RGS6: variants seen among roughly 807,000 people sequenced by gnomAD.
RGS6 encodes the protein regulator of G-protein signaling 6.
Under a neutral mutation model 78.5 loss-of-function variants are expected in RGS6, and 30 were observed. The ratio of observed to expected loss-of-function variants is 0.38; its 90% CI spans 0.29 to 0.52. RGS6 has a LOEUF of 0.52. Among genes scored for constraint, RGS6 ranks in the 20% least tolerant of loss-of-function variants. The probability of loss-of-function intolerance (pLI) is 0.85; values close to 1 mark genes in which losing one functional copy is unlikely to be tolerated. For missense variants in RGS6, 495 were observed against 609.7 expected (o/e 0.81, Z 1.98); for synonymous variants, 206 against 206.0 (o/e 1.00, Z 0.00).
chr14:72,070,581 T>C (rs2094372518), intron 2 of RGS6, among the ~76,000 whole-genome samples: 1 of 152,216 alleles, frequency 6.6e-6, no homozygotes, highest in Non-Finnish European at 1.5e-5. Context: ...AGCCATCCTA[T>C]CTTTGGCAGG....
chr14:72,066,520 G>C (rs200700597), intron 2 of RGS6, among the ~76,000 whole-genome samples: 1 of 87,134 alleles, frequency 1.1e-5, no homozygotes, highest in Non-Finnish European at 2.4e-5. Context: ...TTTTTTTTTG[G>C]TGCTTTTAAG....
At chr14:72,614,870 T>G in the RGS6 span, among the ~76,000 whole-genome samples, 1 of 148,784 alleles carries the variant, frequency 6.7e-6, no homozygotes, top group Non-Finnish European at 1.5e-5. Flanking sequence ...CATCCAGCTC[T>G]CTGCCTTTTT....
Position 72,562,747 on chromosome 14 carries a change from C to G in RGS6, c.*280C>G, listed in dbSNP as rs958203002. Reference sequence around the variant, plus strand: ...CCAACACTCCACTCGCTAAGAGGCCCTGATCCCAGCTCATTCAGGGGAGAA... The same window carrying G: ...CCAACACTCCACTCGCTAAGAGGCCGTGATCCCAGCTCATTCAGGGGAGAA... On this transcript the variant is annotated 3_prime_UTR_variant, in exon 18 of 18. Transcript: ENST00000553525. The G allele has an allele frequency of 1.3e-6, 2 of 1,535,896 alleles. No homozygotes were observed. Among genetic ancestry groups the G allele is most frequent in the Non-Finnish European group, 1.7e-6 (2 of 1,146,778 alleles).
chr14:72,040,028 AC>A (rs1460694409), intron 2 of RGS6, among the ~76,000 whole-genome samples: 1 of 151,464 alleles, frequency 6.6e-6, no homozygotes, highest in Non-Finnish European at 1.5e-5. Context: ...TTCAAATTAT[AC>A]CTTTTTATAT....
chr14:71,963,489 C>T (rs1489698498), intron 1 of RGS6, among the ~76,000 whole-genome samples: 1 of 152,206 alleles, frequency 6.6e-6, no homozygotes, highest in African/African-American at 2.4e-5. Context: ...GACCCTGTAT[C>T]CATTAAGCAG....
chr14:71,954,237 C>T (rs984511311), intron 1 of RGS6, among the ~76,000 whole-genome samples: 5 of 151,558 alleles, frequency 3.3e-5, no homozygotes, highest in Admixed American at 6.6e-5. Flanking sequence ...GAAAGTTCTC[C>T]GTCATTATTC....
chr14:71,907,702 G>A, the RGS6 span, among the ~76,000 whole-genome samples: 1 of 152,150 alleles, frequency 6.6e-6, no homozygotes, highest in Non-Finnish European at 1.5e-5. Flanking sequence ...GATTCAAGGT[G>A]GGAAGAGCAG....
At chr14:72,318,570 A>G (rs10134545) in intron 2 of RGS6, among the ~76,000 whole-genome samples, 4,317 of 152,312 alleles carry the variant, frequency 0.028, 89 homozygotes, top group Middle Eastern at 0.12. Flanking sequence ...GAACCACAAT[A>G]TATGACGTAA....
rs2153559632 is a variant in RGS6 at position 72,565,984 on chromosome 14, C to G, written c.*3517C>G. On this transcript the variant is annotated 3_prime_UTR_variant, in exon 18 of 18. Coordinates refer to ENST00000553525, the MANE Select transcript of RGS6 (RefSeq NM_001204424.2). ...CTGGGCTCGGGGGGAGATAATGCAC[C>G]ACCAGCCTCAAAAAGGAGCTGCCCA... 6.6e-6 allele frequency: 1 copy of G among 152,256 alleles called. No individual in the cohort carries two copies. Among genetic ancestry groups the G allele is most frequent in the East Asian group, 1.9e-4 (1 of 5,186 alleles). 9.4% of individuals were successfully genotyped at this position (152,256 alleles called of 1,614,324 possible).
At chr14:72,130,668 G>A (rs2096294575) in intron 2 of RGS6, among the ~76,000 whole-genome samples, 1 of 152,136 alleles carries the variant, frequency 6.6e-6, no homozygotes, top group Non-Finnish European at 1.5e-5. Context: ...AAGAATGTGT[G>A]GCCATCTTTA....
At chr14:72,083,921 C>T (rs2094925067) in intron 2 of RGS6, among the ~76,000 whole-genome samples, 1 of 152,122 alleles carries the variant, frequency 6.6e-6, no homozygotes, top group Non-Finnish European at 1.5e-5. Flanking sequence ...TCAAGCTTCA[C>T]AGAGAGGTTC....
chr14:72,346,105 G>A (rs1171184563), intron 2 of RGS6, among the ~76,000 whole-genome samples: 2 of 152,162 alleles, frequency 1.3e-5, no homozygotes, highest in Non-Finnish European at 2.9e-5. Context: ...TGATTGCAAA[G>A]TCAAGATGAA....
intron 1 of RGS6, among the ~76,000 whole-genome samples, chr14:71,953,664 A>ATT (rs917765007): frequency 6.6e-6 from 1 of 151,830 alleles, no homozygotes; most frequent in Non-Finnish European, 1.5e-5. Flanking sequence ...TTTAAAAAAT[A>ATT]TTTTTTTTGT....
the RGS6 span, among the ~76,000 whole-genome samples, chr14:71,909,011 TAAGTA>T: frequency 2.6e-5 from 4 of 152,196 alleles, no homozygotes; most frequent in Admixed American, 6.5e-5. Context: ...TCACTTTACT[TAAGTA>T]AAGTGTTAAT....
At chr14:72,430,020 C>A (rs564021424) in intron 3 of RGS6, among the ~76,000 whole-genome samples, 1 of 152,336 alleles carries the variant, frequency 6.6e-6, no homozygotes, top group South Asian at 2.1e-4. Flanking sequence ...GAGGCCTCCG[C>A]AGCCATGCTG....
intron 2 of RGS6, 25 bp from the exon 3 acceptor site, chr14:72,352,069 CA>C (rs1284562752): frequency 2.6e-6 from 4 of 1,520,498 alleles, no homozygotes; most frequent in Non-Finnish European, 3.6e-6. Flanking sequence ...GAGAAAATAA[CA>C]CTTCTTTTCT....
At chr14:72,561,669 T>G (rs2097678303) in intron 17 of RGS6, among the ~76,000 whole-genome samples, 1 of 152,246 alleles carries the variant, frequency 6.6e-6, no homozygotes, top group Non-Finnish European at 1.5e-5. Context: ...GGCCTCATGA[T>G]CCAGTTCACT....
At chr14:72,508,464 G>A (rs1360795260) in intron 13 of RGS6, among the ~76,000 whole-genome samples, 1 of 151,782 alleles carries the variant, frequency 6.6e-6, no homozygotes, top group Non-Finnish European at 1.5e-5. Context: ...ATATTGGAGA[G>A]CACGGTTATG....
chr14:72,153,383 G>C (rs1463533182), intron 2 of RGS6, among the ~76,000 whole-genome samples: 6 of 152,166 alleles, frequency 3.9e-5, no homozygotes, highest in Non-Finnish European at 5.9e-5. Flanking sequence ...AAGAGTGATG[G>C]GAGATGAAGG....
Sources: allele counts gnomAD v4.1 joint callset (sites outside exome capture counted in the v4.1 genomes callset), GRCh38; gene constraint gnomAD v4.1.1; transcripts MANE v1.5; gene names NCBI Gene and HGNC (gene_info 2026-07-23, HGNC 2026-07-21).